The following LVRN variants were observed in gnomAD, a reference collection of about 807,000 sequenced individuals.
LVRN encodes aminopeptidase Q.
In LVRN, 99 loss-of-function variants were observed where a neutral mutation model predicts 111.4. The ratio of observed to expected loss-of-function variants is 0.89; its 90% CI spans 0.76 to 1.05. The LOEUF (loss-of-function observed/expected upper bound fraction) is 1.05. Ranked by LOEUF, LVRN falls within the 50% of genes least tolerant of loss-of-function variation. The pLI, the probability that LVRN is intolerant of heterozygous loss-of-function variation, is 0.00. For synonymous variants in LVRN, 488 were observed against 449.5 expected (o/e 1.09, Z -1.08); for missense variants, 1,414 against 1,206.8 (o/e 1.17, Z -2.54).
At position 116,010,850 on chromosome 5, in the gene LVRN, C is replaced by A. The variant is rs767773519; in HGVS notation, c.2203C>A (p.Leu735Ile). 4 of 1,610,994 alleles carry A rather than the reference C, an allele frequency of 2.5e-6. No homozygotes were observed. In the Admixed American group the frequency reaches 6.7e-5, roughly 27 times the overall value. Reference sequence around the variant, plus strand: ...CTTGGTAAACTTGGTAACCAGGGATCTTGTTTCTGAGGTGAACATCTATGA... The same window carrying A: ...CTTGGTAAACTTGGTAACCAGGGATATTGTTTCTGAGGTGAACATCTATGA... ...TVLVNLVTRDLVSEVNIYDIY... is the reference protein window; with the variant it reads ...TVLVNLVTRDIVSEVNIYDIY... Residue 735 changes from leucine (L) to isoleucine (I), a missense_variant, in exon 14 of 20, where the codon CTT (leucine) becomes ATT (isoleucine). Transcript: ENST00000357872.
intron 3 of LVRN, among the ~76,000 whole-genome samples, chr5:115,984,972 T>A (rs1747820646): frequency 1.3e-5 from 2 of 152,296 alleles, no homozygotes; most frequent in South Asian, 4.1e-4. Context: ...CTTCCCAGTG[T>A]GTTTCTGCTT....
chr5:115,999,670 A>C, intron 6 of LVRN, 92 bp from the exon 7 acceptor site: 1 of 1,376,316 alleles, frequency 7.3e-7, no homozygotes, highest in Non-Finnish European at 1.0e-6. Context: ...CTCCCTCTTC[A>C]ATATCAGTTT....
chr5:116,000,944 C>A, intron 9 of LVRN, 123 bp from the exon 10 acceptor site: 1 of 1,099,930 alleles, frequency 9.1e-7, no homozygotes, highest in Non-Finnish European at 1.3e-6. Flanking sequence ...CAGAGGATCA[C>A]CCACTGCAGG....
chr5:115,963,826 G>T (rs1245510285), intron 1 of LVRN, among the ~76,000 whole-genome samples: 1 of 152,164 alleles, frequency 6.6e-6, no homozygotes, highest in East Asian at 1.9e-4. Context: ...CCCTGTATCT[G>T]CTCATCCCGT....
At position 115,983,298 on chromosome 5, in the gene LVRN, C is replaced by T. The variant is rs776458219; in HGVS notation, c.707C>T (p.Ala236Val). 10 of 1,587,224 alleles carry T rather than the reference C, an allele frequency of 6.3e-6. No homozygotes were observed. The highest frequency in any genetic ancestry group is 1.4e-5 in the African/African-American group (1 of 73,258). The change falls in exon 2 of 20, where the codon GCG (alanine) becomes GTG (valine). Residue 236 changes from alanine to valine, a missense_variant. Ala to Val is a moderately conservative substitution (Grantham distance 64, BLOSUM62 0). Transcript: ENST00000357872. The stretch of plus-strand genomic sequence containing the variant: ...AAAATGTATTTCAGGGCCCTGTTAG[C>T]GTCCCAGCTGGAACCAACATTTGCC... Reference protein sequence around the residue: ...TDQGERRALLASQLEPTFARY... With the variant: ...TDQGERRALLVSQLEPTFARY...
chr5:115,999,828 G>T lies in LVRN; in HGVS notation c.1441G>T (p.Ala481Ser), dbSNP rs750971980. ...LREDHALVTR[A>S]VAMKVENFKT... ...AGAAGATCACGCCCTGGTGACTAGA[G>T]CTGTGGCCATGAAGGTGGAAAATTT... is the stretch of plus-strand genomic sequence containing the variant. The change falls in exon 7 of 20, where the codon GCT becomes TCT. Residue 481 changes from alanine (A) to serine (S), a missense_variant. Physicochemically the swap from Ala to Ser is moderately conservative, Grantham distance 99 (BLOSUM62 1). Coordinates refer to ENST00000357872, the MANE Select transcript of LVRN (RefSeq NM_173800.5). 6.2e-7 allele frequency: 1 copy of T among 1,613,474 alleles called. No individual in the cohort carries two copies. The highest frequency in any genetic ancestry group is 1.1e-5 in the South Asian group (1 of 91,040).
chr5:115,966,333 C>G lies in LVRN; in HGVS notation c.695+3021C>G, dbSNP rs534610788. ...AATTATATCCTTTAGACCTTTCTGACTCAGCATAATGCCCTTGCGATCCAT... is the reference window on the plus strand; with the variant it reads ...AATTATATCCTTTAGACCTTTCTGAGTCAGCATAATGCCCTTGCGATCCAT... On this transcript the variant is annotated intron_variant, in intron 1 of 19. Transcript: ENST00000357872. Among the ~76,000 whole-genome samples the G allele has an allele frequency of 2.0e-5, 3 of 152,180 alleles. No individual in the cohort carries two copies. In the South Asian group the frequency reaches 6.2e-4, roughly 31 times the overall value.
chr5:116,006,004 A>G, intron 13 of LVRN, 37 bp downstream of exon 13: 6 of 1,477,712 alleles, frequency 4.1e-6, no homozygotes, highest in East Asian at 2.3e-5. Context: ...TTCAGAATAT[A>G]CCTTGAGACC....
At chr5:116,002,512 T>C (rs941156822) in intron 10 of LVRN, among the ~76,000 whole-genome samples, 1 of 152,224 alleles carries the variant, frequency 6.6e-6, no homozygotes, top group Non-Finnish European at 1.5e-5. Context: ...GCATTTGAAC[T>C]ACCCTTGAGT....
At chr5:116,021,533 C>T (rs1261619359) in intron 18 of LVRN, 1 of 235,260 alleles carries the variant, frequency 4.3e-6, no homozygotes, top group African/African-American at 2.3e-5. Context: ...AAAACAGCAG[C>T]ACTATTTTCC....
intron 4 of LVRN, among the ~76,000 whole-genome samples, chr5:115,990,348 T>A (rs1370821757): frequency 6.6e-6 from 1 of 152,198 alleles, no homozygotes; most frequent in Admixed American, 6.5e-5. Context: ...AATTTTCAAT[T>A]TTTGATAATT....
Position 116,001,177 on chromosome 5 carries a change from C to A in LVRN, c.1758C>A (p.Gly586=), listed in dbSNP as rs568228499. 1.4e-5 allele frequency: 22 copies of A among 1,613,944 alleles called. No homozygotes were observed. Among genetic ancestry groups the A allele is most frequent in the Non-Finnish European group, 1.7e-5 (20 of 1,179,978 alleles). ...TGATCACTTTAAATGTGTCTACTGG[C>A]GTCATGAAACAGGAGCCATTTTATC... ...FPVITLNVST[G]VMKQEPFYLE... Residue 586 remains glycine, a synonymous_variant, in exon 10 of 20, where the codon GGC becomes GGA. Coordinates refer to ENST00000357872, the MANE Select transcript of LVRN (RefSeq NM_173800.5).
intron 1 of LVRN, 27 bp downstream of exon 1, chr5:115,963,339 T>A (rs867822295): frequency 1.3e-6 from 2 of 1,528,232 alleles, no homozygotes; most frequent in African/African-American, 1.4e-5. Context: ...CCGGGGCCCC[T>A]CTCGGCCCCC....
In LVRN at chr5:116,001,331, C is replaced by T. The variant is rs985143353; in HGVS notation, c.1820+92C>T. The T allele has an allele frequency of 2.9e-6, 4 of 1,396,756 alleles. No individual in the cohort carries two copies. The African/African-American group carries it at 4.4e-5, about 15-fold the overall frequency. 86.5% of individuals were successfully genotyped at this position (1,396,756 alleles called of 1,614,324 possible). On this transcript the variant is annotated intron_variant, in intron 10 of 19. Transcript: ENST00000357872. ...GCCTGTGGGTGAAGAAGCGTTACCC[C>T]CGCTGGGCATACACACTTCTGCAAT...
Position 116,010,849 on chromosome 5 carries a change from T to C in LVRN, c.2202T>C (p.Asp734=). Residue 734 remains aspartate (D), a synonymous_variant, in exon 14 of 20, where the codon GAT becomes GAC. Transcript: ENST00000357872. ...TCTTGGTAAACTTGGTAACCAGGGA[T>C]CTTGTTTCTGAGGTGAACATCTATG... ...HTVLVNLVTR[D]LVSEVNIYDI... 2.5e-6 allele frequency: 4 copies of C among 1,611,274 alleles called. No individual in the cohort carries two copies. Among genetic ancestry groups the C allele is most frequent in the Non-Finnish European group, 3.4e-6 (4 of 1,178,636 alleles).
chr5:115,998,615 C>T (rs1329124655), intron 6 of LVRN, among the ~76,000 whole-genome samples: 1 of 152,178 alleles, frequency 6.6e-6, no homozygotes, highest in African/African-American at 2.4e-5. Flanking sequence ...TCCATGCTTA[C>T]TGAGTAGGAT....
chr5:115,998,836 G>A (rs974552986), intron 6 of LVRN, among the ~76,000 whole-genome samples: 5 of 152,106 alleles, frequency 3.3e-5, no homozygotes, highest in Admixed American at 2.6e-4. Context: ...TCTCATTTCC[G>A]GAAAAGCAGA....
At chr5:115,978,144 A>G (rs549366609) in intron 1 of LVRN, among the ~76,000 whole-genome samples, 36 of 152,334 alleles carry the variant, frequency 2.4e-4, no homozygotes, top group African/African-American at 7.9e-4. Flanking sequence ...TTAGGGTATG[A>G]CACACAAGAG....
At chr5:115,996,264 C>A (rs1748107803) in intron 6 of LVRN, among the ~76,000 whole-genome samples, 2 of 152,178 alleles carry the variant, frequency 1.3e-5, no homozygotes, top group African/African-American at 4.8e-5. Context: ...CTTATAATAA[C>A]TAAAATGGTT....
Sources: gnomAD v4.1 joint callset for allele counts (sites outside exome capture counted in the v4.1 genomes callset) on GRCh38, gnomAD v4.1.1 for gene constraint, MANE v1.5 for transcripts, NCBI Gene and HGNC (gene_info 2026-07-23, HGNC 2026-07-21) for gene names.